The following RASA2 variants were observed in gnomAD, a reference collection of about 807,000 sequenced individuals.
The protein encoded by RASA2 is RAS p21 protein activator 2.
In RASA2, 155 loss-of-function variants were observed where a neutral mutation model predicts 118.2. That is an observed-to-expected ratio of 1.31 (90% CI 1.15 to 1.50). RASA2 has a LOEUF of 1.50. RASA2 is among the 40% of genes most tolerant of loss of function. The probability of loss-of-function intolerance (pLI) is 0.00; values close to 1 mark genes in which losing one functional copy is unlikely to be tolerated. For synonymous variants in RASA2, 353 were observed against 349.1 expected (o/e 1.01, Z -0.12); for missense variants, 1,016 against 1,009.6 (o/e 1.01, Z -0.09).
At chr3:141,610,833 G>A (rs2083639776) in intron 23 of RASA2, among the ~76,000 whole-genome samples, 1 of 151,920 alleles carries the variant, frequency 6.6e-6, no homozygotes, top group Non-Finnish European at 1.5e-5. Context: ...TTCATTTCTT[G>A]AATACTTAGT....
intron 13 of RASA2, 63 bp from the exon 14 acceptor site, chr3:141,573,881 A>T (rs1445685037): frequency 2.2e-6 from 3 of 1,369,004 alleles, no homozygotes; most frequent in African/African-American, 3.0e-5. Context: ...TTTTTCTTTC[A>T]TGAAGGCTAT....
At chr3:141,583,444 A>G (rs1484032127) in intron 17 of RASA2, among the ~76,000 whole-genome samples, 1 of 152,116 alleles carries the variant, frequency 6.6e-6, no homozygotes, top group Non-Finnish European at 1.5e-5. Flanking sequence ...AAAATAAATT[A>G]TTATAAATAA....
chr3:141,597,168 A>G (rs1212189363), intron 19 of RASA2, among the ~76,000 whole-genome samples: 1 of 152,202 alleles, frequency 6.6e-6, no homozygotes. Flanking sequence ...TGGGAGGCCA[A>G]GGTAGGAGGA....
chr3:141,499,925 G>T (rs1450033843), intron 1 of RASA2, among the ~76,000 whole-genome samples: 2 of 152,100 alleles, frequency 1.3e-5, no homozygotes, highest in Non-Finnish European at 2.9e-5. Flanking sequence ...AATCGAGTGG[G>T]ATTATAGACT....
At chr3:141,530,912 A>G (rs997846828) in intron 4 of RASA2, among the ~76,000 whole-genome samples, 1 of 152,166 alleles carries the variant, frequency 6.6e-6, no homozygotes, top group East Asian at 1.9e-4. Flanking sequence ...ATTAAAAGGC[A>G]GAAAACTTAG....
At chr3:141,543,876 C>CTT (rs529631210) in intron 5 of RASA2, among the ~76,000 whole-genome samples, 27,103 of 117,018 alleles carry the variant, frequency 0.23, 3,316 homozygotes, top group Non-Finnish European at 0.29. Flanking sequence ...TTTCTTTTTT[C>CTT]TTTTTTTTTT....
rs1445761972 is a variant in RASA2 at position 141,612,551 on chromosome 3, T to A, written c.*238T>A. The A allele has an allele frequency of 2.6e-6, 1 of 381,766 alleles. No individual in the cohort carries two copies. The highest frequency in any genetic ancestry group is 4.7e-5 in the East Asian group (1 of 21,066). The allele number at this position is 381,766 out of a possible 1,614,324, so 23.6% of individuals were successfully genotyped here. On this transcript the variant is annotated 3_prime_UTR_variant, in exon 24 of 24. Coordinates refer to ENST00000286364, the MANE Select transcript of RASA2 (RefSeq NM_006506.5). ...TCATACCTGTGTGACCAAATCCATGTTTCTGCAACTTCTTTTTAATCGAAA... is the reference window on the plus strand; with the variant it reads ...TCATACCTGTGTGACCAAATCCATGATTCTGCAACTTCTTTTTAATCGAAA...
intron 9 of RASA2, among the ~76,000 whole-genome samples, chr3:141,565,007 A>G (rs1191770095): frequency 6.6e-6 from 1 of 151,696 alleles, no homozygotes; most frequent in Non-Finnish European, 1.5e-5. Flanking sequence ...TTTTTTTGAG[A>G]TGCAGTCTCT....
intron 19 of RASA2, 174 bp downstream of exon 19, chr3:141,586,926 A>G (rs1254510973): frequency 4.5e-6 from 3 of 661,276 alleles, no homozygotes; most frequent in Non-Finnish European, 5.5e-6. Flanking sequence ...CCCCATGTAT[A>G]TTATGTTTTT....
chr3:141,506,626 C>T (rs1345579009), intron 1 of RASA2, among the ~76,000 whole-genome samples: 1 of 152,126 alleles, frequency 6.6e-6, no homozygotes, highest in Non-Finnish European at 1.5e-5. Context: ...GGATTTGGCA[C>T]TCCCAGCCAG....
chr3:141,503,526 C>G (rs2081817030), intron 1 of RASA2, among the ~76,000 whole-genome samples: 1 of 151,878 alleles, frequency 6.6e-6, no homozygotes, highest in African/African-American at 2.4e-5. Context: ...AAACTATTTA[C>G]TTTTTAACAA....
At chr3:141,577,146 T>A (rs564212741) in intron 15 of RASA2, 40 bp downstream of exon 15, 69 of 1,437,930 alleles carry the variant, frequency 4.8e-5, no homozygotes, top group South Asian at 1.1e-4. Context: ...TCCATTTTTT[T>A]AATTTTTATT....
intron 4 of RASA2, among the ~76,000 whole-genome samples, chr3:141,531,001 G>A (rs545863719): frequency 1.3e-5 from 2 of 152,148 alleles, no homozygotes; most frequent in African/African-American, 2.4e-5. Context: ...TGCTGTGTTC[G>A]ATTCATATGG....
At chr3:141,610,448 ATATATT>A (rs1351803732) in intron 23 of RASA2, among the ~76,000 whole-genome samples, 1 of 108,258 alleles carries the variant, frequency 9.2e-6, no homozygotes, top group East Asian at 2.4e-4. Flanking sequence ...TTTATATATT[ATATATT>A]TATATTTATA....
At chr3:141,549,472 AGTGTGTGTGTGCGTGTGTGT>A (rs1365449089) in intron 5 of RASA2, among the ~76,000 whole-genome samples, 1 of 134,724 alleles carries the variant, frequency 7.4e-6, no homozygotes, top group East Asian at 2.2e-4. Context: ...AGTGTGTATG[AGTGTGTGTGTGCGTGTGTGT>A]GTGTGTGTGT....
intron 17 of RASA2, 112 bp downstream of exon 17, chr3:141,581,289 C>T (rs1165753084): frequency 1.1e-6 from 1 of 900,296 alleles, no homozygotes; most frequent in East Asian, 3.5e-5. Flanking sequence ...AATGTTTAAA[C>T]TGTTCATCAA....
At chr3:141,586,353 A>G (rs1311924476) in intron 18 of RASA2, among the ~76,000 whole-genome samples, 1 of 152,214 alleles carries the variant, frequency 6.6e-6, no homozygotes, top group Admixed American at 6.5e-5. Context: ...TTTAAAAAGT[A>G]ACAGCACTAT....
At position 141,580,354 on chromosome 3, in the gene RASA2, T is replaced by C. The variant is rs751823997; in HGVS notation, c.1591-14T>C. The C allele has an allele frequency of 1.5e-5, 24 of 1,567,094 alleles. No individual in the cohort carries two copies. The East Asian group carries it at 5.0e-4, about 32-fold the overall frequency. On this transcript the variant is annotated splice_polypyrimidine_tract_variant and intron_variant, in intron 15 of 23. Coordinates refer to ENST00000286364, the MANE Select transcript of RASA2 (RefSeq NM_006506.5). ...TGAAAACTTAGTAGTTTTGGTCTTT[T>C]TTACATTCTTTAGGATGCACAGACA...
chr3:141,583,241 T>A (rs894829408), intron 17 of RASA2, among the ~76,000 whole-genome samples: 1 of 152,018 alleles, frequency 6.6e-6, no homozygotes, highest in African/African-American at 2.4e-5. Flanking sequence ...CTGGCTAACA[T>A]GGTGAAACCC....
Sources: gnomAD v4.1 joint callset for allele counts (sites outside exome capture counted in the v4.1 genomes callset) on GRCh38, gnomAD v4.1.1 for gene constraint, MANE v1.5 for transcripts, NCBI Gene and HGNC (gene_info 2026-07-23, HGNC 2026-07-21) for gene names.